IL1RAPL2: variants seen among roughly 807,000 people sequenced by gnomAD.
IL1RAPL2 encodes the protein interleukin 1 receptor accessory protein like 2.
Under a neutral mutation model 44.1 loss-of-function variants are expected in IL1RAPL2, and 3 were observed. The ratio of observed to expected loss-of-function variants is 0.07; its 90% CI spans 0.03 to 0.18. The LOEUF is 0.18. IL1RAPL2 is among the 10% of genes least tolerant of loss of function. The pLI, the probability that IL1RAPL2 is intolerant of heterozygous loss-of-function variation, is 1.00. For synonymous variants in IL1RAPL2, 181 were observed against 178.8 expected (o/e 1.01, Z -0.10); for missense variants, 391 against 496.4 (o/e 0.79, Z 2.02).
chrX:105,063,412 C>T (rs146945179), intron 2 of IL1RAPL2, among the ~76,000 whole-genome samples: 4 of 111,864 alleles, frequency 3.6e-5, no homozygotes, highest in African/African-American at 1.3e-4. Context: ...GTCCCTAGTG[C>T]CTTATTTATT....
chrX:104,948,848 A>G (rs1463203953), intron 2 of IL1RAPL2, among the ~76,000 whole-genome samples: 1 of 109,909 alleles, frequency 9.1e-6, no homozygotes, highest in Non-Finnish European at 1.9e-5. Context: ...TTTTGCATCA[A>G]TGTTCATCAA....
At chrX:105,766,365 G>GAAAT (rs2038729676) in intron 10 of IL1RAPL2, among the ~76,000 whole-genome samples, 1 of 111,242 alleles carries the variant, frequency 9.0e-6, no homozygotes, top group Admixed American at 9.6e-5. Flanking sequence ...GCAAATGACA[G>GAAAT]AAATAATCGG....
intron 2 of IL1RAPL2, among the ~76,000 whole-genome samples, chrX:104,913,682 C>T (rs1924319854): frequency 8.9e-6 from 1 of 112,338 alleles, no homozygotes; most frequent in African/African-American, 3.2e-5. Flanking sequence ...TAAGCCAGCA[C>T]TCTCTGATGG....
intron 2 of IL1RAPL2, among the ~76,000 whole-genome samples, chrX:105,073,679 T>C (rs2032244304): frequency 8.9e-6 from 1 of 111,774 alleles, no homozygotes; most frequent in Admixed American, 9.5e-5. Flanking sequence ...AAAGTGTTCC[T>C]ATTTTTCCAC....
intron 2 of IL1RAPL2, among the ~76,000 whole-genome samples, chrX:105,122,669 T>C (rs2032936842): frequency 8.9e-6 from 1 of 111,970 alleles, no homozygotes; most frequent in Admixed American, 9.5e-5. Context: ...AAAATCCAGA[T>C]GGAATTTCTT....
rs755860235 is a variant in IL1RAPL2 at position 104,859,879 on chromosome X, A to G, written c.82+200884A>G. 2.7e-5 allele frequency among the ~76,000 whole-genome samples: 3 copies of G among 112,021 alleles called. No individual in the cohort carries two copies. In the South Asian group the frequency reaches 1.1e-3, roughly 41 times the overall value. On this transcript the variant is annotated intron_variant, in intron 2 of 10. Coordinates refer to ENST00000372582, the MANE Select transcript of IL1RAPL2 (RefSeq NM_017416.2). ...CAGTTTCAGTGAAGTGGACAGGCAG[A>G]ATAGAGTTCAATTTTACAGTCTGAC...
At chrX:105,150,300 G>A (rs979436724) in intron 2 of IL1RAPL2, among the ~76,000 whole-genome samples, 1 of 111,572 alleles carries the variant, frequency 9.0e-6, no homozygotes, top group Non-Finnish European at 1.9e-5. Context: ...ATAGCAAAGC[G>A]GAGCAACCTC....
intron 2 of IL1RAPL2, among the ~76,000 whole-genome samples, chrX:104,968,658 G>A (rs181382439): frequency 8.9e-4 from 99 of 111,415 alleles, no homozygotes; most frequent in African/African-American, 3.0e-3. Context: ...TAAAGCCTTA[G>A]AGTTAATGAT....
intron 5 of IL1RAPL2, among the ~76,000 whole-genome samples, chrX:105,327,395 A>T (rs752297747): frequency 8.9e-6 from 1 of 111,770 alleles, no homozygotes; most frequent in Non-Finnish European, 1.9e-5. Flanking sequence ...CCCAGAATCA[A>T]TTTTCCTTGA....
At chrX:105,116,039 G>C (rs1307494275) in intron 2 of IL1RAPL2, among the ~76,000 whole-genome samples, 9 of 113,159 alleles carry the variant, frequency 8.0e-5, no homozygotes, top group Non-Finnish European at 1.9e-5. Context: ...CCCAGAACTT[G>C]CGCTGGCCTG....
chrX:105,007,918 T>C (rs936818881), intron 2 of IL1RAPL2, among the ~76,000 whole-genome samples: 11 of 114,744 alleles, frequency 9.6e-5, no homozygotes, highest in Non-Finnish European at 2.1e-4. Flanking sequence ...AAAGGCAAAG[T>C]AGAAAAATTC....
chrX:105,384,378 A>G (rs191607273), intron 5 of IL1RAPL2, among the ~76,000 whole-genome samples: 1 of 111,072 alleles, frequency 9.0e-6, no homozygotes, highest in Non-Finnish European at 1.9e-5. Flanking sequence ...CCTTTCCCCA[A>G]TGTCTATTTT....
intron 2 of IL1RAPL2, among the ~76,000 whole-genome samples, chrX:105,138,842 TC>T (rs1441662454): frequency 9.0e-6 from 1 of 111,218 alleles, no homozygotes; most frequent in African/African-American, 3.3e-5. Flanking sequence ...TCTGCTGTCT[TC>T]CTAGAGTTCT....
At chrX:105,333,620 C>G (rs7887492) in intron 5 of IL1RAPL2, among the ~76,000 whole-genome samples, 11,516 of 110,932 alleles carry the variant, frequency 0.1, 1,462 homozygotes, top group African/African-American at 0.36. Flanking sequence ...AGCCATTTGA[C>G]AAGGGGTTAA....
chrX:105,227,429 C>T (rs1156804811), intron 3 of IL1RAPL2, among the ~76,000 whole-genome samples: 1 of 111,371 alleles, frequency 9.0e-6, no homozygotes, highest in Non-Finnish European at 1.9e-5. Flanking sequence ...ACAAAAATCC[C>T]GGAGCTCTTT....
chrX:104,912,889 G>A (rs190469387), intron 2 of IL1RAPL2, among the ~76,000 whole-genome samples: 1 of 112,398 alleles, frequency 8.9e-6, no homozygotes, highest in Non-Finnish European at 1.9e-5. Flanking sequence ...GACTGTGCCA[G>A]TGGAGATACA....
chrX:105,267,666 T>G, intron 5 of IL1RAPL2, 125 bp downstream of exon 5: 7 of 505,279 alleles, frequency 1.4e-5, no homozygotes, highest in Non-Finnish European at 2.3e-5. Context: ...ATCAAATAGT[T>G]GAGAAACTTG....
chrX:105,613,875 A>G (rs1312804909), intron 6 of IL1RAPL2, among the ~76,000 whole-genome samples: 1 of 111,291 alleles, frequency 9.0e-6, no homozygotes, highest in African/African-American at 3.3e-5. Context: ...TGGCTTCTGA[A>G]TGACACCTCT....
intron 1 of IL1RAPL2, among the ~76,000 whole-genome samples, chrX:104,594,759 A>T (rs914054548): frequency 9.0e-6 from 1 of 111,701 alleles, no homozygotes; most frequent in Non-Finnish European, 1.9e-5. Context: ...AGAAGAAGTG[A>T]CATGTAGGTC....
Sources: allele counts gnomAD v4.1 joint callset (sites outside exome capture counted in the v4.1 genomes callset), GRCh38; gene constraint gnomAD v4.1.1; transcripts MANE v1.5; gene names NCBI Gene and HGNC (gene_info 2026-07-23, HGNC 2026-07-21).